KLRD1: variants seen among roughly 807,000 people sequenced by gnomAD.
KLRD1 encodes natural killer cells antigen CD94.
KLRD1 carries 21 observed loss-of-function variants against 22.6 expected under a neutral mutation model. The ratio of observed to expected loss-of-function variants is 0.93; its 90% CI spans 0.66 to 1.34. The LOEUF (loss-of-function observed/expected upper bound fraction) is 1.34, where lower values mean the gene tolerates loss of function less well. Among genes scored for constraint, KLRD1 ranks in the 40% most tolerant of loss-of-function variants. The probability of loss-of-function intolerance (pLI) is 0.00; values close to 1 mark genes in which losing one functional copy is unlikely to be tolerated. For missense variants in KLRD1, 183 were observed against 208.6 expected, an observed-to-expected ratio of 0.88 and a Z score of 0.76; for synonymous variants, 59 against 71.1, an observed-to-expected ratio of 0.83 and a Z score of 0.85.
intron 1 of KLRD1, among the ~76,000 whole-genome samples, chr12:10,243,636 G>GAAAAA (rs1949263487): frequency 2.4e-5 from 3 of 124,374 alleles, no homozygotes; most frequent in African/African-American, 6.2e-5. Flanking sequence ...AAAAAAAACC[G>GAAAAA]AAATGAAAGA....
chr12:10,274,617 C>T (rs950006502), intron 1 of KLRD1, among the ~76,000 whole-genome samples: 6 of 152,078 alleles, frequency 3.9e-5, no homozygotes, highest in African/African-American at 1.4e-4. Context: ...CTCTTTGTCT[C>T]TATGGGCTGT....
intron 1 of KLRD1, among the ~76,000 whole-genome samples, chr12:10,249,919 G>A (rs549379803): frequency 7.2e-5 from 11 of 152,114 alleles, no homozygotes; most frequent in Non-Finnish European, 1.5e-4. Flanking sequence ...TTTCATCAGA[G>A]TTCGCAGGAG....
Position 10,318,569 on chromosome 12 carries a change from G to T in KLRD1, c.*3776G>T, listed in dbSNP as rs1950276966. ...CTTATTAAAAAGTTTTTCATGGCTG[G>T]GCGCGGTGGCTCAAGCCTGTAATCC... is the stretch of plus-strand genomic sequence containing the variant. On this transcript the variant is annotated 3_prime_UTR_variant, in exon 6 of 6. Transcript: ENST00000336164. 6.6e-6 allele frequency: 1 copy of T among 152,078 alleles called. No homozygotes were observed. Among genetic ancestry groups the T allele is most frequent in the African/African-American group, 2.4e-5 (1 of 41,400 alleles). The allele number at this position is 152,078 out of a possible 1,614,324, so 9.4% of individuals were successfully genotyped here.
chr12:10,246,364 C>T (rs1206732006), intron 1 of KLRD1, among the ~76,000 whole-genome samples: 2 of 143,616 alleles, frequency 1.4e-5, no homozygotes, highest in Non-Finnish European at 3.0e-5. Context: ...TTAAGGAACT[C>T]AGTCCAGTGG....
chr12:10,268,515 T>C (rs1490298130), intron 1 of KLRD1, among the ~76,000 whole-genome samples: 1 of 152,212 alleles, frequency 6.6e-6, no homozygotes, highest in East Asian at 1.9e-4. Context: ...TAATTTTGGA[T>C]TGAGTTTACT....
At chr12:10,245,038 A>G (rs1949278168) in intron 1 of KLRD1, among the ~76,000 whole-genome samples, 1 of 152,132 alleles carries the variant, frequency 6.6e-6, no homozygotes. Context: ...TTTTACATAT[A>G]AGGACACTGA....
At chr12:10,240,676 G>C (rs1949233074) in intron 1 of KLRD1, among the ~76,000 whole-genome samples, 1 of 152,092 alleles carries the variant, frequency 6.6e-6, no homozygotes, top group South Asian at 2.1e-4. Context: ...CCATCACCCA[G>C]CTTCAACAAG....
chr12:10,325,809 A>G lies in KLRD1; in HGVS notation c.*11016A>G, dbSNP rs779506717. ...ATATTTCTTTGAGATTCTTATTTCA[A>G]TTCTTTTGCATAATTACCCAGAAAG... On this transcript the variant is annotated 3_prime_UTR_variant, in exon 6 of 6. Transcript: ENST00000336164. 2 of 152,208 alleles carry G rather than the reference A, an allele frequency of 1.3e-5. No homozygotes were observed. The highest frequency in any genetic ancestry group is 4.8e-5 in the African/African-American group (2 of 41,452). The allele number at this position is 152,208 out of a possible 1,614,324, so 9.4% of individuals were successfully genotyped here.
At position 10,324,435 on chromosome 12, in the gene KLRD1, T is replaced by TA. The variant is rs1950340506; in HGVS notation, c.*9642_*9643insA. The TA allele has an allele frequency of 6.6e-6, 1 of 152,080 alleles. No individual in the cohort carries two copies. Among genetic ancestry groups the TA allele is most frequent in the Admixed American group, 6.6e-5 (1 of 15,260 alleles). The allele number at this position is 152,080 out of a possible 1,614,324, so 9.4% of individuals were successfully genotyped here. A position where few individuals can be genotyped will look rare whatever the true frequency, so the allele number is the denominator to read the frequency against. ...CCCAGTGTCTATTGTTTCCTTTTTTTGTGTGCCTGTGTACTCCATGGTTAG... is the reference window on the plus strand; with the variant it reads ...CCCAGTGTCTATTGTTTCCTTTTTTTAGTGTGCCTGTGTACTCCATGGTTAG... On this transcript the variant is annotated 3_prime_UTR_variant, in exon 6 of 6. Coordinates refer to ENST00000336164, the MANE Select transcript of KLRD1 (RefSeq NM_002262.5).
At chr12:10,278,267 C>T (rs1949609426) in intron 1 of KLRD1, among the ~76,000 whole-genome samples, 1 of 152,180 alleles carries the variant, frequency 6.6e-6, no homozygotes, top group South Asian at 2.1e-4. Flanking sequence ...CCAGTCTTAT[C>T]AGCCAACTCA....
At chr12:10,241,876 C>T (rs562876808) in intron 1 of KLRD1, among the ~76,000 whole-genome samples, 162 of 152,116 alleles carry the variant, frequency 1.1e-3, no homozygotes, top group African/African-American at 3.8e-3. Context: ...TCTCTTAACC[C>T]GTCAGTATGT....
intron 1 of KLRD1, among the ~76,000 whole-genome samples, chr12:10,240,241 T>G (rs780269172): frequency 3.3e-5 from 5 of 151,734 alleles, no homozygotes; most frequent in Non-Finnish European, 5.9e-5. Context: ...TTGTATTTTT[T>G]GTAGACACAG....
At position 10,322,212 on chromosome 12, in the gene KLRD1, A is replaced by G. The variant is rs1950318049; in HGVS notation, c.*7419A>G. ...CAGGCACCCACCACCATGCCTGGCT[A>G]ATTTTTGTATTTTCAGTAGACATGA... On this transcript the variant is annotated 3_prime_UTR_variant, in exon 6 of 6. Transcript: ENST00000336164. The G allele has an allele frequency of 6.6e-6, 1 of 152,154 alleles. No individual in the cohort carries two copies. Among genetic ancestry groups the G allele is most frequent in the African/African-American group, 2.4e-5 (1 of 41,398 alleles). 9.4% of individuals were successfully genotyped at this position (152,154 alleles called of 1,614,324 possible). A position where few individuals can be genotyped will look rare whatever the true frequency, so the allele number is the denominator to read the frequency against.
chr12:10,315,380 A>G lies in KLRD1; in HGVS notation c.*587A>G. Reference sequence around the variant, plus strand: ...GCCTCAAGGGATTCTCCCACCTTGGATTCCCAAAGTGCTGGGATTATAGGT... The same window carrying G: ...GCCTCAAGGGATTCTCCCACCTTGGGTTCCCAAAGTGCTGGGATTATAGGT... On this transcript the variant is annotated 3_prime_UTR_variant, in exon 6 of 6. Coordinates refer to ENST00000336164, the MANE Select transcript of KLRD1 (RefSeq NM_002262.5). 1 of 377,556 alleles carries G rather than the reference A, an allele frequency of 2.6e-6. No homozygotes were observed. 23.4% of individuals were successfully genotyped at this position (377,556 alleles called of 1,614,324 possible). A position where few individuals can be genotyped will look rare whatever the true frequency, so the allele number is the denominator to read the frequency against.
chr12:10,253,393 T>C (rs1468638575), intron 1 of KLRD1, among the ~76,000 whole-genome samples: 2 of 136,488 alleles, frequency 1.5e-5, no homozygotes, highest in East Asian at 2.4e-4. Context: ...GATTCGGGCA[T>C]CTTTTCTTTC....
rs1452760851 is a variant in KLRD1, at chr12:10,311,519, C to T, written c.219C>T (p.Tyr73=). 2.5e-6 allele frequency: 4 copies of T among 1,613,854 alleles called. No homozygotes were observed. The African/African-American group carries it at 4.0e-5, about 16-fold the overall frequency. ...EKWVGYRCNC[Y]FISSEQKTWN... is the part of the protein sequence containing the mutation. ...GGGTTGGGTACCGGTGCAACTGTTA[C>T]TTCATTTCCAGTGAACAGAAAACTT... Residue 73 remains tyrosine, a synonymous_variant, in exon 4 of 6, where the codon TAC becomes TAT. Coordinates refer to ENST00000336164, the MANE Select transcript of KLRD1 (RefSeq NM_002262.5).
intron 1 of KLRD1, among the ~76,000 whole-genome samples, chr12:10,245,356 T>C (rs1286282099): frequency 6.6e-6 from 1 of 152,036 alleles, no homozygotes; most frequent in East Asian, 1.9e-4. Context: ...AGACTCCATC[T>C]CAAAAACAAA....
chr12:10,270,000 A>G (rs2617137), intron 1 of KLRD1, among the ~76,000 whole-genome samples: 26,114 of 152,096 alleles, frequency 0.17, 4,261 homozygotes, highest in African/African-American at 0.43. Flanking sequence ...ACTTAATGCC[A>G]TAATAAGTTA....
chr12:10,272,719 C>A (rs748326961), intron 1 of KLRD1, among the ~76,000 whole-genome samples: 3 of 152,162 alleles, frequency 2.0e-5, no homozygotes, highest in Non-Finnish European at 2.9e-5. Context: ...AGGATGTTTA[C>A]AGTAAGGCTA....
Sources: gnomAD v4.1 joint callset for allele counts (sites outside exome capture counted in the v4.1 genomes callset) on GRCh38, gnomAD v4.1.1 for gene constraint, MANE v1.5 for transcripts, NCBI Gene and HGNC (gene_info 2026-07-23, HGNC 2026-07-21) for gene names.